Variants in MYO1E observed in about 807,000 individuals in gnomAD.
MYO1E encodes the protein myosin IE.
A neutral mutation model predicts 151.1 loss-of-function variants in MYO1E; 68 were observed. That is an observed-to-expected ratio of 0.45 (90% CI 0.37 to 0.55). The LOEUF is 0.55. MYO1E is among the 20% of genes least tolerant of loss of function. The pLI, the probability that MYO1E is intolerant of heterozygous loss-of-function variation, is 0.00. For synonymous variants in MYO1E, 601 were observed against 501.7 expected (o/e 1.20, Z -2.64); for missense variants, 1,363 against 1,389.3 (o/e 0.98, Z 0.30).
chr15:59,267,730 C>T (rs2080264942), intron 2 of MYO1E, among the ~76,000 whole-genome samples: 1 of 152,184 alleles, frequency 6.6e-6, no homozygotes, highest in Non-Finnish European at 1.5e-5. Context: ...TTTTCGTCGG[C>T]CAAGTGGTCA....
At chr15:59,206,779 G>C (rs2079836917) in intron 14 of MYO1E, 4 of 653,426 alleles carry the variant, frequency 6.1e-6, no homozygotes, top group Non-Finnish European at 1.0e-5. Flanking sequence ...ACGTGTCGGA[G>C]ACTCTGGCAA....
At chr15:59,302,837 A>G (rs919125073) in intron 1 of MYO1E, among the ~76,000 whole-genome samples, 7 of 152,362 alleles carry the variant, frequency 4.6e-5, no homozygotes, top group African/African-American at 1.7e-4. Flanking sequence ...ACACTTGCCA[A>G]TTTAGAAGCT....
At chr15:59,197,412 A>G (rs1355892227) in intron 16 of MYO1E, among the ~76,000 whole-genome samples, 1 of 152,238 alleles carries the variant, frequency 6.6e-6, no homozygotes, top group Non-Finnish European at 1.5e-5. Context: ...ACTTAAGTTT[A>G]TAAGTCACTT....
chr15:59,144,158 T>A (rs1402731167), intron 26 of MYO1E, among the ~76,000 whole-genome samples: 1 of 151,958 alleles, frequency 6.6e-6, no homozygotes, highest in Non-Finnish European at 1.5e-5. Flanking sequence ...TCCTTTTATT[T>A]ATTTATTAAT....
intron 1 of MYO1E, among the ~76,000 whole-genome samples, chr15:59,355,939 G>A (rs1379394312): frequency 1.3e-5 from 2 of 152,060 alleles, no homozygotes; most frequent in African/African-American, 2.4e-5. Context: ...GGCTGGTTTC[G>A]AATGCCTGGG....
chr15:59,224,741 C>A lies in MYO1E; in HGVS notation c.725G>T (p.Gly242Val). 6.2e-7 allele frequency: 1 copy of A among 1,614,206 alleles called. No homozygotes were observed. Among genetic ancestry groups the A allele is most frequent in the Non-Finnish European group, 8.5e-7 (1 of 1,180,036 alleles). The change falls in exon 8 of 28, where the codon GGC (glycine) becomes GTC (valine). Residue 242 changes from glycine to valine, a missense_variant. By Grantham distance (109) the Gly-to-Val change is moderately radical. Transcript: ENST00000288235. ...MDYYYYLSLS[G>V]SYKVDDIDDR... ...GTCAATGTCATCAACCTTGTATGAGCCCGAGAGGCTCAGGTAGTAATAATA... is the reference window on the plus strand; with the variant it reads ...GTCAATGTCATCAACCTTGTATGAGACCGAGAGGCTCAGGTAGTAATAATA...
chr15:59,208,251 G>C, intron 14 of MYO1E: 1 of 643,098 alleles, frequency 1.6e-6, no homozygotes. Flanking sequence ...GAGCATCCAC[G>C]TGCTGGACGA....
intron 18 of MYO1E, among the ~76,000 whole-genome samples, chr15:59,186,776 G>T (rs760177210): frequency 1.2e-4 from 18 of 152,082 alleles, no homozygotes; most frequent in Non-Finnish European, 1.2e-4. Context: ...ACTACATTTG[G>T]CTTACTTCTT....
At position 59,310,825 on chromosome 15, in the gene MYO1E, T is replaced by C. The variant is rs2140410361; in HGVS notation, c.4-38376A>G. The stretch of plus-strand genomic sequence containing the variant: ...AAGTTGCCTTTGGTAGTTTCGTATA[T>C]ATACTCTGTAAGAAGCTAGTGGTCT... On this transcript the variant is annotated intron_variant, in intron 1 of 27. Coordinates refer to ENST00000288235, the MANE Select transcript of MYO1E (RefSeq NM_004998.4). 1.3e-5 allele frequency among the ~76,000 whole-genome samples: 2 copies of C among 151,870 alleles called. 1 individual carries two copies. Among genetic ancestry groups the C allele is most frequent in the African/African-American group, 4.8e-5 (2 of 41,416 alleles).
intron 12 of MYO1E, among the ~76,000 whole-genome samples, chr15:59,213,843 T>G (rs1420438713): frequency 6.6e-6 from 1 of 152,144 alleles, no homozygotes; most frequent in Non-Finnish European, 1.5e-5. Context: ...AAAATGCACG[T>G]ATTGTTAGGG....
intron 12 of MYO1E, among the ~76,000 whole-genome samples, chr15:59,212,223 T>C (rs2079883471): frequency 6.6e-6 from 1 of 151,840 alleles, no homozygotes; most frequent in African/African-American, 2.4e-5. Context: ...CCAAACCAGT[T>C]AGGAGACTAC....
intron 17 of MYO1E, among the ~76,000 whole-genome samples, chr15:59,189,219 C>T (rs1351585686): frequency 6.6e-6 from 1 of 152,170 alleles, no homozygotes; most frequent in Non-Finnish European, 1.5e-5. Context: ...ACCACCACAC[C>T]TGGCTAATTT....
At chr15:59,175,569 T>C (rs1353144719) in intron 19 of MYO1E, among the ~76,000 whole-genome samples, 1 of 152,172 alleles carries the variant, frequency 6.6e-6, no homozygotes, top group East Asian at 1.9e-4. Flanking sequence ...CTGTAAACAA[T>C]AGGCATAAGG....
At chr15:59,145,363 C>T (rs1232515976) in intron 26 of MYO1E, among the ~76,000 whole-genome samples, 1 of 152,158 alleles carries the variant, frequency 6.6e-6, no homozygotes, top group African/African-American at 2.4e-5. Flanking sequence ...AGCCAGTTGT[C>T]AAACATGGCC....
intron 10 of MYO1E, among the ~76,000 whole-genome samples, chr15:59,217,467 T>C (rs56192171): frequency 0.015 from 2,187 of 142,178 alleles, 50 homozygotes; most frequent in African/African-American, 0.053. Context: ...AGTAAGGTAA[T>C]GGGTGAAAGG....
In MYO1E at chr15:59,214,539, G is replaced by A. The variant is rs2079901645; in HGVS notation, c.1188+101C>T. ...GTTGTTTTTTTTGTTGTTGTGGTTT[G>A]TTTTCTGTTTTTTTGTTTTTGCATT... On this transcript the variant is annotated intron_variant, in intron 11 of 27. Transcript: ENST00000288235. 8.3e-6 allele frequency: 10 copies of A among 1,202,436 alleles called. No homozygotes were observed. The South Asian group carries it at 1.2e-4, about 15-fold the overall frequency. The allele number at this position is 1,202,436 out of a possible 1,614,324, so 74.5% of individuals were successfully genotyped here.
chr15:59,355,467 C>G lies in MYO1E; in HGVS notation c.3+17031G>C, dbSNP rs150235500. 3.7e-4 allele frequency among the ~76,000 whole-genome samples: 57 copies of G among 152,276 alleles called. 2 individuals are homozygous for G. The highest frequency in any genetic ancestry group is 1.3e-3 in the African/African-American group (52 of 41,548). ...TTCTGTAGAGCTTAGGATACTTCACCCAGCCACCTGGAGCTGGAAATGGAC... is the reference window on the plus strand; with the variant it reads ...TTCTGTAGAGCTTAGGATACTTCACGCAGCCACCTGGAGCTGGAAATGGAC... On this transcript the variant is annotated intron_variant, in intron 1 of 27. Transcript: ENST00000288235.
chr15:59,157,275 A>G (rs1405664601), intron 25 of MYO1E, among the ~76,000 whole-genome samples: 1 of 152,214 alleles, frequency 6.6e-6, no homozygotes, highest in African/African-American at 2.4e-5. Context: ...ACAATTTTGT[A>G]ATACTCTCAG....
At chr15:59,193,638 C>A (rs1189221623) in intron 17 of MYO1E, among the ~76,000 whole-genome samples, 3 of 152,112 alleles carry the variant, frequency 2.0e-5, no homozygotes, top group Non-Finnish European at 4.4e-5. Context: ...CTCGAACTAA[C>A]AGAAAAGGTG....
Sources: allele counts gnomAD v4.1 joint callset (sites outside exome capture counted in the v4.1 genomes callset), GRCh38; gene constraint gnomAD v4.1.1; transcripts MANE v1.5; gene names NCBI Gene and HGNC (gene_info 2026-07-23, HGNC 2026-07-21).